The following ADAM17 variants were observed in gnomAD, a reference collection of about 807,000 sequenced individuals.
ADAM17 encodes the protein ADAM metallopeptidase domain 17, also known as disintegrin and metalloproteinase domain-containing protein 17.
Under a neutral mutation model 96.7 loss-of-function variants are expected in ADAM17, and 39 were observed. The ratio of observed to expected loss-of-function variants is 0.40; its 90% CI spans 0.31 to 0.53. The LOEUF is 0.53. Ranked by LOEUF, ADAM17 falls within the 20% of genes least tolerant of loss-of-function variation. The pLI, the probability that ADAM17 is intolerant of heterozygous loss-of-function variation, is 0.44. For synonymous variants in ADAM17, 344 were observed against 359.2 expected (o/e 0.96, Z 0.48); for missense variants, 777 against 1,013.2 (o/e 0.77, Z 3.17).
chr2:9,496,818 CT>C (rs1662642214), intron 14 of ADAM17, among the ~76,000 whole-genome samples: 1 of 152,188 alleles, frequency 6.6e-6, no homozygotes, highest in Non-Finnish European at 1.5e-5. Context: ...GGACACACCT[CT>C]ACCTACCCAC....
chr2:9,550,903 CAAAAAAAAA>C (rs33972062), intron 1 of ADAM17, among the ~76,000 whole-genome samples: 91 of 97,866 alleles, frequency 9.3e-4, no homozygotes, highest in Non-Finnish European at 1.6e-3. Flanking sequence ...ACTAAAAATA[CAAAAAAAAA>C]AAAAAAAAAA....
intron 13 of ADAM17, among the ~76,000 whole-genome samples, chr2:9,501,720 T>C (rs1434586116): frequency 3.9e-5 from 6 of 152,248 alleles, no homozygotes; most frequent in Admixed American, 3.3e-4. Flanking sequence ...GTCATTTTGA[T>C]TGTTTCCAAA....
intron 4 of ADAM17, among the ~76,000 whole-genome samples, chr2:9,529,612 G>A (rs745397608): frequency 1.3e-5 from 2 of 152,072 alleles, no homozygotes; most frequent in African/African-American, 2.4e-5. Flanking sequence ...AGGATACAGC[G>A]TTTCTTTTTC....
At chr2:9,551,982 G>GA (rs975938691) in intron 1 of ADAM17, among the ~76,000 whole-genome samples, 3 of 152,122 alleles carry the variant, frequency 2.0e-5, no homozygotes, top group Non-Finnish European at 4.4e-5. Flanking sequence ...CACTAACAGT[G>GA]AAAAAATCGT....
intron 10 of ADAM17, 129 bp downstream of exon 10, chr2:9,517,772 T>C: frequency 1.7e-6 from 1 of 599,234 alleles, no homozygotes; most frequent in Non-Finnish European, 2.6e-6. Context: ...AATACATAAA[T>C]TTTATTTAGG....
chr2:9,532,608 A>G (rs555441941), intron 4 of ADAM17, among the ~76,000 whole-genome samples: 4 of 150,226 alleles, frequency 2.7e-5, no homozygotes, highest in Admixed American at 2.7e-4. Flanking sequence ...AGTAGCTGAG[A>G]CCACAGGCAT....
chr2:9,506,713 C>G (rs565784382), intron 11 of ADAM17: 2 of 152,308 alleles, frequency 1.3e-5, no homozygotes, highest in South Asian at 4.2e-4. Flanking sequence ...TTATTCTAAT[C>G]GGGGCCTCAG....
In ADAM17 at chr2:9,494,688, G is replaced by T; in HGVS notation, c.1863C>A (p.Asn621Lys). The change falls in exon 15 of 19, where the codon AAC becomes AAA. Residue 621 changes from asparagine (N) to lysine (K), a missense_variant. Coordinates refer to ENST00000310823, the MANE Select transcript of ADAM17 (RefSeq NM_003183.6). The stretch of plus-strand genomic sequence containing the variant: ...AGGGCTTTCCTTTCCTCAAAAATAA[G>T]TTCTTTTGTTCAGCATCGACATAGG... ...CVPYVDAEQK[N>K]LFLRKGKPCT... 1 of 1,614,004 alleles carries T rather than the reference G, an allele frequency of 6.2e-7. No homozygotes were observed. Among genetic ancestry groups the T allele is most frequent in the Non-Finnish European group, 8.5e-7 (1 of 1,179,966 alleles).
intron 7 of ADAM17, among the ~76,000 whole-genome samples, chr2:9,522,739 AT>A (rs1388102651): frequency 3.3e-5 from 5 of 152,224 alleles, no homozygotes; most frequent in Non-Finnish European, 5.9e-5. Flanking sequence ...ATAACTTTTA[AT>A]ATGAGCTATT....
chr2:9,530,359 A>G (rs1050166497), intron 4 of ADAM17, among the ~76,000 whole-genome samples: 2 of 152,168 alleles, frequency 1.3e-5, no homozygotes, highest in African/African-American at 4.8e-5. Context: ...AACCTCAACC[A>G]TACCTCACTA....
At chr2:9,528,536 T>C (rs988429931) in intron 4 of ADAM17, among the ~76,000 whole-genome samples, 3 of 152,228 alleles carry the variant, frequency 2.0e-5, no homozygotes, top group African/African-American at 7.2e-5. Flanking sequence ...AATCTCCACT[T>C]ACAATGTTAC....
intron 4 of ADAM17, among the ~76,000 whole-genome samples, chr2:9,532,422 T>C (rs943472232): frequency 3.3e-5 from 5 of 152,156 alleles, no homozygotes; most frequent in African/African-American, 1.2e-4. Context: ...ATTAATTTCA[T>C]GCAAAAGTCC....
intron 7 of ADAM17, chr2:9,522,463 G>C (rs749250598): frequency 9.3e-5 from 55 of 588,458 alleles, no homozygotes; most frequent in Middle Eastern, 2.6e-4. Flanking sequence ...GCGTAACAGT[G>C]AAAGAGAATG....
chr2:9,554,549 T>C (rs1243683123), intron 1 of ADAM17, among the ~76,000 whole-genome samples: 1 of 152,228 alleles, frequency 6.6e-6, no homozygotes, highest in East Asian at 1.9e-4. Flanking sequence ...ACACATGGTA[T>C]CATGGTGAAA....
chr2:9,499,229 A>G (rs1194469371), intron 13 of ADAM17, among the ~76,000 whole-genome samples: 3 of 151,584 alleles, frequency 2.0e-5, no homozygotes, highest in African/African-American at 7.3e-5. Flanking sequence ...ATATCAAGGG[A>G]ACAAAAGGCT....
At chr2:9,554,452 G>C (rs1397927550) in intron 1 of ADAM17, among the ~76,000 whole-genome samples, 1 of 152,022 alleles carries the variant, frequency 6.6e-6, no homozygotes, top group Non-Finnish European at 1.5e-5. Flanking sequence ...TAAGACAGCT[G>C]TTCAAGTGAT....
At chr2:9,514,523 ATATATAT>A (rs1663936884) in intron 10 of ADAM17, among the ~76,000 whole-genome samples, 2 of 4,696 alleles carry the variant, frequency 4.3e-4, no homozygotes, top group African/African-American at 1.1e-3. Context: ...ATATAAATAT[ATATATAT>A]ATATATATAT....
intron 6 of ADAM17, among the ~76,000 whole-genome samples, 182 bp from the exon 7 acceptor site, chr2:9,523,520 A>G (rs947546666): frequency 3.3e-5 from 5 of 152,238 alleles, no homozygotes; most frequent in African/African-American, 1.2e-4. Context: ...TTTGGCCCCA[A>G]ACTTAAAGTG....
chr2:9,525,514 C>T (rs1193590153), intron 6 of ADAM17, among the ~76,000 whole-genome samples: 3 of 152,088 alleles, frequency 2.0e-5, no homozygotes, highest in South Asian at 2.1e-4. Context: ...TGAAGTCACA[C>T]TAGCAAAAAA....
Sources: gnomAD v4.1 joint callset for allele counts (sites outside exome capture counted in the v4.1 genomes callset) on GRCh38, gnomAD v4.1.1 for gene constraint, MANE v1.5 for transcripts, NCBI Gene and HGNC (gene_info 2026-07-23, HGNC 2026-07-21) for gene names.